CLEC4A: variants seen among roughly 807,000 people sequenced by gnomAD.
CLEC4A encodes the protein C-type lectin domain family 4 member A.
CLEC4A carries 27 observed loss-of-function variants against 32.7 expected under a neutral mutation model. The ratio of observed to expected loss-of-function variants is 0.83; its 90% CI spans 0.61 to 1.14. The LOEUF is 1.14. CLEC4A is among the 50% of genes most tolerant of loss of function. CLEC4A has a pLI of 0.00. For synonymous variants in CLEC4A, 89 were observed against 93.7 expected (o/e 0.95, Z 0.29); for missense variants, 253 against 274.6 (o/e 0.92, Z 0.55).
the CLEC4A span, among the ~76,000 whole-genome samples, chr12:8,103,710 A>G: frequency 1.3e-5 from 2 of 152,018 alleles, no homozygotes; most frequent in East Asian, 3.9e-4. Context: ...ATATGCCACA[A>G]GTATTGAGTG....
upstream of CLEC4A, among the ~76,000 whole-genome samples, chr12:8,118,617 C>A (rs1308962431): frequency 4.6e-5 from 7 of 152,138 alleles, no homozygotes; most frequent in African/African-American, 1.7e-4. Context: ...TTTTAAGCAA[C>A]CAGATCTCAC....
rs1482435797 is a variant in CLEC4A at position 8,134,986 on chromosome 12, G to GTT, written c.299-591_299-590dup. 1.4e-3 allele frequency: 195 copies of GTT among 138,782 alleles called. 12 individuals are homozygous for GTT. Among genetic ancestry groups the GTT allele is most frequent in the Middle Eastern group, 2.8e-3 (1 of 358 alleles). 8.6% of individuals were successfully genotyped at this position (138,782 alleles called of 1,614,324 possible). A position where few individuals can be genotyped will look rare whatever the true frequency, so the allele number is the denominator to read the frequency against. ...TCTTGTTGAAGCGTTTTTGTTTTTT[G>GTT]TTTTTTTTTAATCATGGCTGCTTTT... is the stretch of plus-strand genomic sequence containing the variant. On this transcript the variant is annotated intron_variant, in intron 3 of 5. Transcript: ENST00000229332.
At chr12:8,104,160 A>G in the CLEC4A span, among the ~76,000 whole-genome samples, 1 of 67,590 alleles carries the variant, frequency 1.5e-5, no homozygotes. Flanking sequence ...TAGTGGCAGA[A>G]AATCTCATTT....
At chr12:8,129,217 G>A (rs374742030) in intron 2 of CLEC4A, 47 bp from the exon 3 acceptor site, 19 of 1,226,970 alleles carry the variant, frequency 1.5e-5, no homozygotes, top group African/African-American at 1.2e-4. Flanking sequence ...AAAGAGCAAA[G>A]TCATAATGCT....
At chr12:8,105,351 CTTT>C in the CLEC4A span, among the ~76,000 whole-genome samples, 11 of 136,196 alleles carry the variant, frequency 8.1e-5, no homozygotes, top group South Asian at 2.3e-3. Context: ...TTTTTCTTTT[CTTT>C]TTTTTTTTTT....
rs1185456854 is a variant in CLEC4A, at chr12:8,134,983, T to G, written c.299-602T>G. The G allele has an allele frequency of 2.5e-4, 75 of 294,130 alleles. 2 individuals are homozygous for G. The highest frequency in any genetic ancestry group is 1.7e-3 in the African/African-American group (63 of 37,614). The allele number at this position is 294,130 out of a possible 1,614,324, so 18.2% of individuals were successfully genotyped here. On this transcript the variant is annotated intron_variant, in intron 3 of 5. Transcript: ENST00000229332. The stretch of plus-strand genomic sequence containing the variant: ...TCTTCTTGTTGAAGCGTTTTTGTTT[T>G]TTGTTTTTTTTTAATCATGGCTGCT...
upstream of CLEC4A, among the ~76,000 whole-genome samples, chr12:8,120,405 C>G (rs1217796082): frequency 6.6e-6 from 1 of 152,102 alleles, no homozygotes; most frequent in Non-Finnish European, 1.5e-5. Flanking sequence ...CAAAGACAAT[C>G]CTATTATTTG....
chr12:8,136,686 G>A, intron 4 of CLEC4A, 102 bp from the exon 5 acceptor site: 1 of 673,666 alleles, frequency 1.5e-6, no homozygotes, highest in South Asian at 1.8e-5. Flanking sequence ...TAATGCAGCT[G>A]TTGCTGGATC....
chr12:8,123,675 A>T lies in CLEC4A; in HGVS notation c.-204A>T. Reference sequence around the variant, plus strand: ...TGGTCCTGAGGAAAGGGCTTCTGTGAACTGCGGTTTTTAGTTTTTATTGTG... The same window carrying T: ...TGGTCCTGAGGAAAGGGCTTCTGTGTACTGCGGTTTTTAGTTTTTATTGTG... On this transcript the variant is annotated 5_prime_UTR_variant, in exon 1 of 6. Coordinates refer to ENST00000229332, the MANE Select transcript of CLEC4A (RefSeq NM_016184.4). 1 of 542,738 alleles carries T rather than the reference A, an allele frequency of 1.8e-6. No individual in the cohort carries two copies. Among genetic ancestry groups the T allele is most frequent in the Admixed American group, 3.4e-5 (1 of 29,812 alleles). The allele number at this position is 542,738 out of a possible 1,614,324, so 33.6% of individuals were successfully genotyped here.
intron 5 of CLEC4A, 83 bp downstream of exon 5, chr12:8,136,986 T>G: frequency 1.2e-6 from 1 of 836,452 alleles, no homozygotes; most frequent in Non-Finnish European, 1.9e-6. Flanking sequence ...GCTATAAAAG[T>G]AAAATAGCTC....
the CLEC4A span, among the ~76,000 whole-genome samples, chr12:8,118,068 G>A: frequency 1.3e-5 from 2 of 151,202 alleles, no homozygotes; most frequent in Admixed American, 1.3e-4. Flanking sequence ...AGGAGGAAAG[G>A]GGAAAAAAAA....
rs538286485 is a variant in CLEC4A at position 8,138,273 on chromosome 12, A to C, written c.700A>C (p.Lys234Gln). The C allele has an allele frequency of 5.6e-6, 9 of 1,614,158 alleles. No homozygotes were observed. In the Admixed American group the frequency reaches 1.5e-4, roughly 27 times the overall value. The change falls in exon 6 of 6, where the codon AAG becomes CAG. Residue 234 changes from lysine (K) to glutamine (Q), a missense_variant. By Grantham distance (53) the Lys-to-Gln change is moderately conservative. Coordinates refer to ENST00000229332, the MANE Select transcript of CLEC4A (RefSeq NM_016184.4). ...GPQRSVCEMMKIHL is the reference protein window; with the variant it reads ...GPQRSVCEMMQIHL The stretch of plus-strand genomic sequence containing the variant: ...TCAAAGGTCAGTTTGTGAGATGATG[A>C]AGATCCACTTATGAACTGAACATTC...
intron 2 of CLEC4A, among the ~76,000 whole-genome samples, chr12:8,126,053 G>A (rs942483596): frequency 3.9e-5 from 6 of 152,162 alleles, no homozygotes. Flanking sequence ...TTATGTTTTG[G>A]GATGAGCAGG....
chr12:8,131,342 AG>A (rs1339061007), intron 3 of CLEC4A, among the ~76,000 whole-genome samples: 1 of 152,122 alleles, frequency 6.6e-6, no homozygotes, highest in African/African-American at 2.4e-5. Context: ...TCCATTCATG[AG>A]GGTGGATTAT....
At chr12:8,110,434 C>T in the CLEC4A span, among the ~76,000 whole-genome samples, 9 of 152,254 alleles carry the variant, frequency 5.9e-5, no homozygotes, top group Non-Finnish European at 1.0e-4. Flanking sequence ...TGTTAATATT[C>T]CAGCCAGACC....
intron 3 of CLEC4A, among the ~76,000 whole-genome samples, chr12:8,132,855 AT>A (rs1469648220): frequency 6.9e-6 from 1 of 144,196 alleles, no homozygotes; most frequent in African/African-American, 2.6e-5. Context: ...GGCTCTGTTT[AT>A]TTTTTTTTCT....
In CLEC4A at chr12:8,136,870, G is replaced by A. The variant is rs762803801; in HGVS notation, c.533G>A (p.Trp178Ter). The change falls in exon 5 of 6, where the codon TGG becomes TAG. Residue 178 changes from tryptophan (W) to a stop codon, truncating the protein, a stop_gained. Coordinates refer to ENST00000229332, the MANE Select transcript of CLEC4A (RefSeq NM_016184.4). LOFTEE classifies it high-confidence loss of function. ...CCAGAAGGTCAGCGACATTGGCAAT[G>A]GGTTGATCAGACACCATACAATGAA... ...SDPEGQRHWQ[W>*]VDQTPYNESS... The A allele has an allele frequency of 4.3e-6, 7 of 1,613,200 alleles. No individual in the cohort carries two copies. Among genetic ancestry groups the A allele is most frequent in the Non-Finnish European group, 5.9e-6 (7 of 1,179,190 alleles).
chr12:8,107,427 G>C, the CLEC4A span, among the ~76,000 whole-genome samples: 1 of 152,160 alleles, frequency 6.6e-6, no homozygotes, highest in Non-Finnish European at 1.5e-5. Flanking sequence ...CAAATTTTTG[G>C]AACAGTTTCA....
upstream of CLEC4A, among the ~76,000 whole-genome samples, chr12:8,122,254 G>A (rs1947838756): frequency 6.6e-6 from 1 of 151,778 alleles, no homozygotes; most frequent in Non-Finnish European, 1.5e-5. Context: ...GCCCGGTGAG[G>A]AAATCAGACC....
Sources: gnomAD v4.1 joint callset for allele counts (sites outside exome capture counted in the v4.1 genomes callset) on GRCh38, gnomAD v4.1.1 for gene constraint, MANE v1.5 for transcripts, NCBI Gene and HGNC (gene_info 2026-07-23, HGNC 2026-07-21) for gene names.